NRG3: variants seen among roughly 807,000 people sequenced by gnomAD.
The protein encoded by NRG3 is pro-neuregulin-3, membrane-bound isoform.
In NRG3, 31 loss-of-function variants were observed where a neutral mutation model predicts 66.9. That is an observed-to-expected ratio of 0.46 (90% CI 0.35 to 0.63). The LOEUF (loss-of-function observed/expected upper bound fraction) is 0.63. NRG3 is among the 20% of genes least tolerant of loss of function. The pLI, the probability that NRG3 is intolerant of heterozygous loss-of-function variation, is 0.00. For missense variants in NRG3, 910 were observed against 878.9 expected, an observed-to-expected ratio of 1.04 and a Z score of -0.45; for synonymous variants, 393 against 359.4, an observed-to-expected ratio of 1.09 and a Z score of -1.06.
At chr10:82,214,443 T>C (rs1379225924) in intron 1 of NRG3, among the ~76,000 whole-genome samples, 3 of 152,098 alleles carry the variant, frequency 2.0e-5, no homozygotes, top group African/African-American at 7.2e-5. Flanking sequence ...TTGATCTTAC[T>C]CCATCATATC....
At chr10:82,264,337 C>A (rs207471196) in intron 1 of NRG3, among the ~76,000 whole-genome samples, 1 of 152,134 alleles carries the variant, frequency 6.6e-6, no homozygotes, top group Non-Finnish European at 1.5e-5. Flanking sequence ...AAGGGGGAAA[C>A]CCCTTATAAA....
chr10:82,602,662 A>G (rs1228557103), intron 2 of NRG3, among the ~76,000 whole-genome samples: 1 of 152,150 alleles, frequency 6.6e-6, no homozygotes, highest in Non-Finnish European at 1.5e-5. Flanking sequence ...TGAGAATTGA[A>G]TGAGATCATA....
At chr10:82,823,992 C>A (rs765029238) in intron 3 of NRG3, among the ~76,000 whole-genome samples, 1 of 152,140 alleles carries the variant, frequency 6.6e-6, no homozygotes, top group South Asian at 2.1e-4. Context: ...AACAACAAAA[C>A]AACAGCAACA....
intron 3 of NRG3, among the ~76,000 whole-genome samples, chr10:82,782,599 G>A (rs1011257809): frequency 2.6e-5 from 4 of 152,064 alleles, no homozygotes; most frequent in African/African-American, 9.7e-5. Context: ...TTTGGAGTTG[G>A]GTAATGGCTA....
At chr10:82,052,018 C>T (rs2063616198) in intron 1 of NRG3, among the ~76,000 whole-genome samples, 1 of 144,472 alleles carries the variant, frequency 6.9e-6, no homozygotes. Context: ...CTGGGAGCCA[C>T]ATACCGCATT....
chr10:82,926,485 T>TA (rs1847011457), intron 4 of NRG3, among the ~76,000 whole-genome samples: 3 of 152,204 alleles, frequency 2.0e-5, no homozygotes, highest in African/African-American at 7.2e-5. Flanking sequence ...AAAAACTTTC[T>TA]AAAAAGTGAT....
At chr10:82,398,622 A>T (rs2086882536) in intron 2 of NRG3, among the ~76,000 whole-genome samples, 1 of 152,132 alleles carries the variant, frequency 6.6e-6, no homozygotes, top group Admixed American at 6.6e-5. Context: ...GAATTTAGGC[A>T]TAGTAAGTAA....
intron 2 of NRG3, among the ~76,000 whole-genome samples, chr10:82,676,881 A>G (rs1164308248): frequency 1.3e-5 from 2 of 151,912 alleles, no homozygotes; most frequent in Non-Finnish European, 2.9e-5. Flanking sequence ...AGGGGAGTTA[A>G]CGCATTTGTT....
rs1028016703 is a variant in NRG3, at chr10:82,249,816, A to G, written c.824-108923A>G. Among the ~76,000 whole-genome samples the G allele has an allele frequency of 1.3e-4, 20 of 152,324 alleles. 1 individual carries two copies. Among genetic ancestry groups the G allele is most frequent in the Admixed American group, 9.8e-4 (15 of 15,298 alleles). ...CGTCTTTTCAAAAGTAACTTTTTCT[A>G]TCACATTTGGCTTAGGTTAAGATTC... On this transcript the variant is annotated intron_variant, in intron 1 of 8. Coordinates refer to ENST00000372141, the MANE Select transcript of NRG3 (RefSeq NM_001010848.4).
Position 82,745,662 on chromosome 10 carries a change from A to G in NRG3, c.1027+7012A>G, listed in dbSNP as rs540277740. On this transcript the variant is annotated intron_variant, in intron 3 of 8. Transcript: ENST00000372141. ...CAGGTTGTATATTTTTATATATTTG[A>G]TTGCTAATATCTTCAAGTCTTTCCT... Among the ~76,000 whole-genome samples, 16 of 152,246 alleles carry G rather than the reference A, an allele frequency of 1.1e-4. No individual in the cohort carries two copies. In the East Asian group the frequency reaches 2.7e-3, roughly 26 times the overall value.
chr10:82,269,034 C>T (rs749999099), intron 1 of NRG3, among the ~76,000 whole-genome samples: 3 of 152,162 alleles, frequency 2.0e-5, no homozygotes, highest in Non-Finnish European at 4.4e-5. Context: ...TTGCAATGCA[C>T]TTTCACTGCA....
intron 4 of NRG3, among the ~76,000 whole-genome samples, chr10:82,911,802 T>C (rs61858787): frequency 0.11 from 16,208 of 151,784 alleles, 927 homozygotes; most frequent in Middle Eastern, 0.15. Flanking sequence ...TTGATCTTCC[T>C]TTTCTAGTTT....
intron 3 of NRG3, among the ~76,000 whole-genome samples, chr10:82,746,144 A>G (rs113103080): frequency 7.3e-4 from 111 of 152,164 alleles, no homozygotes; most frequent in African/African-American, 1.9e-3. Flanking sequence ...CTCCCATCTC[A>G]GTCTCCCAAA....
chr10:82,022,521 T>C (rs1457944973), intron 1 of NRG3, among the ~76,000 whole-genome samples: 1 of 152,170 alleles, frequency 6.6e-6, no homozygotes, highest in Non-Finnish European at 1.5e-5. Context: ...AGGCTTTGCC[T>C]ACTCCATGCT....
At chr10:82,677,062 C>CTCT (rs1479824363) in intron 2 of NRG3, among the ~76,000 whole-genome samples, 10 of 135,324 alleles carry the variant, frequency 7.4e-5, no homozygotes, top group African/African-American at 2.3e-4. Flanking sequence ...CTCTCTCTCT[C>CTCT]TTTTTTTTTT....
At chr10:82,807,078 A>G (rs1393915541) in intron 3 of NRG3, among the ~76,000 whole-genome samples, 1 of 152,220 alleles carries the variant, frequency 6.6e-6, no homozygotes, top group Non-Finnish European at 1.5e-5. Flanking sequence ...TCCTGGGAGA[A>G]AGTCACCATC....
chr10:82,045,943 C>T (rs1387343147), intron 1 of NRG3, among the ~76,000 whole-genome samples: 3 of 151,274 alleles, frequency 2.0e-5, no homozygotes, highest in Admixed American at 1.3e-4. Context: ...GTTTTGGTAC[C>T]AGTACCATGC....
chr10:82,934,948 T>G (rs1003853047), intron 4 of NRG3, among the ~76,000 whole-genome samples: 1 of 152,174 alleles, frequency 6.6e-6, no homozygotes, highest in African/African-American at 2.4e-5. Flanking sequence ...ACTTTTAAGG[T>G]CCATCCTAGA....
intron 6 of NRG3, among the ~76,000 whole-genome samples, chr10:82,962,834 G>A (rs752269947): frequency 6.6e-6 from 1 of 152,006 alleles, no homozygotes; most frequent in Non-Finnish European, 1.5e-5. Flanking sequence ...GTGAGACTCA[G>A]CCTCAAAACA....
Sources: gnomAD v4.1 joint callset for allele counts (sites outside exome capture counted in the v4.1 genomes callset) on GRCh38, gnomAD v4.1.1 for gene constraint, MANE v1.5 for transcripts, NCBI Gene and HGNC (gene_info 2026-07-23, HGNC 2026-07-21) for gene names.